SETBP1: variants seen among roughly 807,000 people sequenced by gnomAD.
SETBP1 encodes SET-binding protein.
SETBP1 carries 9 observed loss-of-function variants against 101.0 expected under a neutral mutation model. The observed-to-expected ratio is 0.09, with a 90% CI of 0.05 to 0.16. The LOEUF is 0.16. Among genes scored for constraint, SETBP1 ranks in the 10% least tolerant of loss-of-function variants. The pLI, the probability that SETBP1 is intolerant of heterozygous loss-of-function variation, is 1.00. For missense variants in SETBP1, 1,858 were observed against 2,033.8 expected (o/e 0.91, Z 1.66); for synonymous variants, 818 against 788.5 (o/e 1.04, Z -0.63).
intron 4 of SETBP1, among the ~76,000 whole-genome samples, chr18:44,974,744 T>C (rs151120801): frequency 6.6e-6 from 1 of 152,158 alleles, no homozygotes; most frequent in African/African-American, 2.4e-5. Flanking sequence ...CAAACTCTCA[T>C]GATATTAAGA....
At chr18:44,963,710 G>T (rs944503648) in intron 4 of SETBP1, among the ~76,000 whole-genome samples, 2 of 151,052 alleles carry the variant, frequency 1.3e-5, no homozygotes, top group African/African-American at 4.9e-5. Context: ...GCAACTTAGG[G>T]AGACCCCGTC....
intron 1 of SETBP1, among the ~76,000 whole-genome samples, chr18:44,693,467 G>T (rs1445936107): frequency 6.6e-6 from 1 of 152,192 alleles, no homozygotes; most frequent in Non-Finnish European, 1.5e-5. Context: ...GATCTGGTTT[G>T]CGATGCTCAG....
chr18:44,761,197 A>C (rs926833072), intron 2 of SETBP1, among the ~76,000 whole-genome samples: 1 of 152,232 alleles, frequency 6.6e-6, no homozygotes, highest in African/African-American at 2.4e-5. Context: ...TTCAATGGAT[A>C]TATATGTAGT....
chr18:44,773,793 CCTCTCTCTCT>C (rs377709717), intron 2 of SETBP1, among the ~76,000 whole-genome samples: 1 of 133,246 alleles, frequency 7.5e-6, no homozygotes, highest in Non-Finnish European at 1.6e-5. Context: ...TCTCAACCAG[CCTCTCTCTCT>C]CTCTCTCTCT....
chr18:45,043,275 C>T (rs2073544654), intron 5 of SETBP1, among the ~76,000 whole-genome samples: 1 of 151,940 alleles, frequency 6.6e-6, no homozygotes, highest in South Asian at 2.1e-4. Context: ...AGAAAAACAT[C>T]AAGGCAACAA....
At chr18:44,853,586 G>C (rs906397875) in intron 2 of SETBP1, among the ~76,000 whole-genome samples, 1 of 152,192 alleles carries the variant, frequency 6.6e-6, no homozygotes, top group African/African-American at 2.4e-5. Context: ...ATCTGAACTT[G>C]AGTATGATTG....
intron 3 of SETBP1, among the ~76,000 whole-genome samples, chr18:44,926,504 G>A (rs997654273): frequency 2.8e-4 from 42 of 152,136 alleles, no homozygotes; most frequent in Non-Finnish European, 5.9e-5. Context: ...TCCCTCAGGG[G>A]CCCTCCCAGC....
In SETBP1 at chr18:44,952,325, G is replaced by A. The variant is rs369597949; in HGVS notation, c.2985G>A (p.Pro995=). Residue 995 remains proline (P), a synonymous_variant, in exon 4 of 6, where the codon CCG becomes CCA. Coordinates refer to ENST00000649279, the MANE Select transcript of SETBP1 (RefSeq NM_015559.3). The part of the protein sequence containing the change: ...IFRINFDHYY[P]VPYIQYDPLL... The stretch of plus-strand genomic sequence containing the variant: ...GGATTAATTTTGATCACTATTACCC[G>A]GTGCCATATATCCAGTATGACCCGT... 1.2e-4 allele frequency: 189 copies of A among 1,613,826 alleles called. No homozygotes were observed. The highest frequency in any genetic ancestry group is 1.4e-4 in the Non-Finnish European group (168 of 1,180,008).
intron 2 of SETBP1, among the ~76,000 whole-genome samples, chr18:44,770,779 G>C (rs778934363): frequency 1.3e-5 from 2 of 151,334 alleles, no homozygotes; most frequent in Non-Finnish European, 1.5e-5. Context: ...CTAGAATGTA[G>C]AGTCAAATAT....
intron 3 of SETBP1, among the ~76,000 whole-genome samples, chr18:44,947,049 C>T (rs531050690): frequency 6.6e-6 from 1 of 152,262 alleles, no homozygotes; most frequent in Admixed American, 6.5e-5. Flanking sequence ...CTACTGTGTG[C>T]CAGGTGCTCT....
intron 4 of SETBP1, chr18:44,988,573 G>C (rs1413372909): frequency 2.6e-5 from 4 of 152,190 alleles, no homozygotes; most frequent in African/African-American, 4.8e-5. Flanking sequence ...CAAAGAGGTA[G>C]CTAGCCTTAA....
At chr18:44,699,970 C>T (rs1206215054) in intron 1 of SETBP1, among the ~76,000 whole-genome samples, 1 of 152,094 alleles carries the variant, frequency 6.6e-6, no homozygotes, top group Non-Finnish European at 1.5e-5. Flanking sequence ...TTGATGGGCT[C>T]AGAGGTAGAA....
At chr18:44,801,119 C>T (rs748263462) in intron 2 of SETBP1, among the ~76,000 whole-genome samples, 13 of 152,000 alleles carry the variant, frequency 8.6e-5, no homozygotes, top group East Asian at 3.9e-4. Context: ...TATCACACAC[C>T]GGGGCCTGTC....
intron 2 of SETBP1, among the ~76,000 whole-genome samples, chr18:44,804,728 T>A (rs1224345165): frequency 2.0e-5 from 3 of 152,032 alleles, no homozygotes; most frequent in African/African-American, 7.2e-5. Context: ...AGAACTTGAG[T>A]ATTATAAAGG....
At chr18:44,806,369 T>C (rs1170322007) in intron 2 of SETBP1, among the ~76,000 whole-genome samples, 2 of 152,150 alleles carry the variant, frequency 1.3e-5, no homozygotes, top group Non-Finnish European at 2.9e-5. Context: ...TCATGTTTGA[T>C]TCTTCTGTGT....
At chr18:44,767,610 T>C (rs1453301444) in intron 2 of SETBP1, among the ~76,000 whole-genome samples, 1 of 152,224 alleles carries the variant, frequency 6.6e-6, no homozygotes, top group Non-Finnish European at 1.5e-5. Context: ...TTGCATTAAA[T>C]GTGATATGCG....
intron 4 of SETBP1, among the ~76,000 whole-genome samples, chr18:45,011,097 T>A (rs908889031): frequency 1.1e-4 from 17 of 152,156 alleles, no homozygotes; most frequent in Non-Finnish European, 1.5e-5. Context: ...GAGTCTACAA[T>A]CTGTTAAGGG....
chr18:45,039,343 C>T (rs2073463448), intron 5 of SETBP1, among the ~76,000 whole-genome samples: 1 of 152,206 alleles, frequency 6.6e-6, no homozygotes, highest in South Asian at 2.1e-4. Context: ...CCCCTGTGCC[C>T]ACCTCCACTG....
In SETBP1 at chr18:44,997,604, G is replaced by A. The variant is rs560726974; in HGVS notation, c.4001-40881G>A. On this transcript the variant is annotated intron_variant, in intron 4 of 5. Coordinates refer to ENST00000649279, the MANE Select transcript of SETBP1 (RefSeq NM_015559.3). ...GATCTCCATTGCATTAGTGTAAATT[G>A]GAAATGGATACCATATCTTTAATGC... 2.0e-5 allele frequency among the ~76,000 whole-genome samples: 3 copies of A among 152,212 alleles called. No individual in the cohort carries two copies. In the East Asian group the frequency reaches 5.8e-4, roughly 29 times the overall value.
Sources: allele counts gnomAD v4.1 joint callset (sites outside exome capture counted in the v4.1 genomes callset), GRCh38; gene constraint gnomAD v4.1.1; transcripts MANE v1.5; gene names NCBI Gene and HGNC (gene_info 2026-07-23, HGNC 2026-07-21).